Variants in CAMTA1 observed in about 807,000 individuals in gnomAD.
CAMTA1 encodes calmodulin binding transcription activator 1, also known as calmodulin-binding transcription activator 1.
CAMTA1 carries 27 observed loss-of-function variants against 170.9 expected under a neutral mutation model. That is an observed-to-expected ratio of 0.16 (90% CI 0.12 to 0.22). CAMTA1 has a LOEUF of 0.22. Among genes scored for constraint, CAMTA1 ranks in the 10% least tolerant of loss-of-function variants. The pLI is 1.00. For missense variants in CAMTA1, 1,619 were observed against 2,217.2 expected, an observed-to-expected ratio of 0.73 and a Z score of 5.42; for synonymous variants, 833 against 891.5, an observed-to-expected ratio of 0.93 and a Z score of 1.17.
chr1:6,816,905 G>T (rs1250339567), intron 1 of CAMTA1, among the ~76,000 whole-genome samples: 1 of 152,160 alleles, frequency 6.6e-6, no homozygotes, highest in Non-Finnish European at 1.5e-5. Flanking sequence ...TATCATGGAA[G>T]TTTTTTTGTG....
intron 6 of CAMTA1, among the ~76,000 whole-genome samples, chr1:7,619,831 G>A (rs574636224): frequency 3.3e-5 from 5 of 152,246 alleles, no homozygotes; most frequent in Admixed American, 1.3e-4. Flanking sequence ...TGTATTTTTA[G>A]TAGAGACGGA....
At chr1:7,345,596 T>C (rs1203238673) in intron 5 of CAMTA1, among the ~76,000 whole-genome samples, 1 of 152,180 alleles carries the variant, frequency 6.6e-6, no homozygotes, top group African/African-American at 2.4e-5. Context: ...CACTTTCCAC[T>C]TCTCTGATTC....
intron 6 of CAMTA1, among the ~76,000 whole-genome samples, chr1:7,509,206 G>A (rs2094165617): frequency 6.6e-6 from 1 of 152,224 alleles, no homozygotes; most frequent in African/African-American, 2.4e-5. Flanking sequence ...TTAAAGGAGA[G>A]TGTGTTGGAA....
At chr1:7,061,336 C>T (rs193118237) in intron 3 of CAMTA1, among the ~76,000 whole-genome samples, 2 of 152,328 alleles carry the variant, frequency 1.3e-5, no homozygotes, top group East Asian at 3.9e-4. Flanking sequence ...TCCTGCTGGT[C>T]GCCAGCGCGC....
intron 3 of CAMTA1, among the ~76,000 whole-genome samples, chr1:6,853,375 G>A (rs950066649): frequency 5.3e-5 from 8 of 152,246 alleles, no homozygotes; most frequent in African/African-American, 1.9e-4. Context: ...ATAAGTCAAG[G>A]ACACATGTTG....
intron 3 of CAMTA1, among the ~76,000 whole-genome samples, chr1:6,988,252 G>A (rs1299548863): frequency 2.6e-5 from 4 of 152,126 alleles, no homozygotes; most frequent in Admixed American, 1.3e-4. Flanking sequence ...GTGACGCTCC[G>A]AAAGCTGGTG....
intron 6 of CAMTA1, among the ~76,000 whole-genome samples, chr1:7,607,462 G>A (rs1423764516): frequency 1.3e-5 from 2 of 151,954 alleles, no homozygotes; most frequent in African/African-American, 4.8e-5. Context: ...TGGATGGATG[G>A]GTGGATGGAT....
intron 5 of CAMTA1, among the ~76,000 whole-genome samples, chr1:7,284,126 GTTCTTC>G (rs202166286): frequency 0.063 from 6,705 of 106,756 alleles, 265 homozygotes; most frequent in Non-Finnish European, 0.071. Context: ...ATTTGCTGCT[GTTCTTC>G]TTCTTCTTCT....
chr1:7,085,889 C>A (rs367828891), intron 3 of CAMTA1, among the ~76,000 whole-genome samples: 1 of 152,178 alleles, frequency 6.6e-6, no homozygotes, highest in Non-Finnish European at 1.5e-5. Context: ...CATGGCAGCA[C>A]GGTGTGTGAC....
intron 4 of CAMTA1, among the ~76,000 whole-genome samples, chr1:7,109,476 G>A (rs760044431): frequency 3.3e-5 from 5 of 152,206 alleles, no homozygotes; most frequent in Non-Finnish European, 7.4e-5. Flanking sequence ...TGGATTCAGG[G>A]ATGGTGAATA....
At chr1:6,872,244 A>G (rs144344489) in intron 3 of CAMTA1, among the ~76,000 whole-genome samples, 1 of 150,732 alleles carries the variant, frequency 6.6e-6, no homozygotes, top group African/African-American at 2.4e-5. Flanking sequence ...CACCACCACC[A>G]CCACCACCAC....
chr1:6,909,763 A>C (rs896622570), intron 3 of CAMTA1, among the ~76,000 whole-genome samples: 4 of 152,210 alleles, frequency 2.6e-5, no homozygotes, highest in Non-Finnish European at 4.4e-5. Flanking sequence ...AGCCAGATAC[A>C]ATTAATCTGT....
In CAMTA1 at chr1:7,767,769, CTT is replaced by C. The variant is rs1357063926; in HGVS notation, c.*1280_*1281del. 2.0e-5 allele frequency: 3 copies of C among 148,844 alleles called. No homozygotes were observed. Among genetic ancestry groups the C allele is most frequent in the Non-Finnish European group, 3.0e-5 (2 of 67,422 alleles). The allele number at this position is 148,844 out of a possible 1,614,324, so 9.2% of individuals were successfully genotyped here. On this transcript the variant is annotated 3_prime_UTR_variant, in exon 23 of 23. Transcript: ENST00000303635. The stretch of plus-strand genomic sequence containing the variant: ...TGGTCTGTAAAATGAAACAAAAAAA[CTT>C]TATTTCACTATAAGAGTACTTTATT...
chr1:7,535,394 C>T (rs537351428), intron 6 of CAMTA1, among the ~76,000 whole-genome samples: 3 of 152,286 alleles, frequency 2.0e-5, no homozygotes, highest in East Asian at 3.9e-4. Flanking sequence ...TGTGCAGGGG[C>T]AGGCTCAATC....
In CAMTA1 at chr1:7,240,590, C is replaced by T. The variant is rs147702128; in HGVS notation, c.303-8901C>T. Among the ~76,000 whole-genome samples the T allele has an allele frequency of 5.3e-5, 8 of 149,884 alleles. No individual in the cohort carries two copies. In the South Asian group the frequency reaches 1.3e-3, roughly 24 times the overall value. On this transcript the variant is annotated intron_variant, in intron 4 of 22. Coordinates refer to ENST00000303635, the MANE Select transcript of CAMTA1 (RefSeq NM_015215.4). ...AGGCTGGAGTGCAGTGGTGCTATCT[C>T]GGTTCACTGTAACCTCCGCCTCCTG...
intron 11 of CAMTA1, among the ~76,000 whole-genome samples, chr1:7,710,600 CAAAAAAAAAA>C (rs60019262): frequency 2.4e-5 from 2 of 82,780 alleles, no homozygotes; most frequent in African/African-American, 9.1e-5. Flanking sequence ...GACCCTGTCT[CAAAAAAAAAA>C]AAAAAAAAAA....
chr1:7,381,184 A>G (rs1001395325), intron 5 of CAMTA1, among the ~76,000 whole-genome samples: 1 of 151,642 alleles, frequency 6.6e-6, no homozygotes, highest in South Asian at 2.1e-4. Flanking sequence ...TTTAAGTTTT[A>G]GGGTACATGT....
intron 3 of CAMTA1, among the ~76,000 whole-genome samples, chr1:7,052,270 G>GT (rs36074061): frequency 0.72 from 109,952 of 151,874 alleles, 40,669 homozygotes; most frequent in African/African-American, 0.87. Flanking sequence ...GTGTTGTGGT[G>GT]TTTCGTGTCG....
At chr1:7,584,660 TTA>T (rs1466433298) in intron 6 of CAMTA1, among the ~76,000 whole-genome samples, 1 of 152,164 alleles carries the variant, frequency 6.6e-6, no homozygotes, top group East Asian at 1.9e-4. Context: ...CCCATGGGGT[TTA>T]TATTTCATGT....
Sources: allele counts gnomAD v4.1 joint callset (sites outside exome capture counted in the v4.1 genomes callset), GRCh38; gene constraint gnomAD v4.1.1; transcripts MANE v1.5; gene names NCBI Gene and HGNC (gene_info 2026-07-23, HGNC 2026-07-21).